HS6ST3: variants seen among roughly 807,000 people sequenced by gnomAD.
HS6ST3 encodes the protein heparan sulfate 6-O-sulfotransferase 3, also known as heparan-sulfate 6-O-sulfotransferase 3.
HS6ST3 carries 12 observed loss-of-function variants against 36.7 expected under a neutral mutation model. The ratio of observed to expected loss-of-function variants is 0.33; its 90% confidence interval spans 0.21 to 0.53. HS6ST3 has a LOEUF of 0.53. HS6ST3 is among the 20% of genes least tolerant of loss of function. The pLI is 0.95. For missense variants in HS6ST3, 584 were observed against 640.9 expected (o/e 0.91, Z 0.96); for synonymous variants, 240 against 257.5 (o/e 0.93, Z 0.65).
chr13:96,829,323 TC>T (rs1484231078), intron 1 of HS6ST3, among the ~76,000 whole-genome samples: 1 of 152,020 alleles, frequency 6.6e-6, no homozygotes, highest in Non-Finnish European at 1.5e-5. Context: ...TTTCAATTTT[TC>T]TTTTTTTTTT....
At chr13:96,242,587 C>T (rs924852204) in intron 1 of HS6ST3, among the ~76,000 whole-genome samples, 3 of 151,314 alleles carry the variant, frequency 2.0e-5, no homozygotes, top group South Asian at 2.1e-4. Context: ...TAGCCTATTT[C>T]GCTTAGCATA....
chr13:96,709,238 T>C (rs1875502102), intron 1 of HS6ST3, among the ~76,000 whole-genome samples: 1 of 152,234 alleles, frequency 6.6e-6, no homozygotes, highest in Non-Finnish European at 1.5e-5. Flanking sequence ...GTAAGTTACC[T>C]GAGGCCTCCT....
At chr13:96,145,371 T>C (rs1225495838) in intron 1 of HS6ST3, among the ~76,000 whole-genome samples, 9 of 150,916 alleles carry the variant, frequency 6.0e-5, no homozygotes, top group South Asian at 2.1e-4. Flanking sequence ...TGGTATCTCA[T>C]TGTGGTTTTG....
chr13:96,533,225 G>C (rs1031942413), intron 1 of HS6ST3, among the ~76,000 whole-genome samples: 2 of 152,122 alleles, frequency 1.3e-5, no homozygotes, highest in South Asian at 4.1e-4. Context: ...GATTCTTCAG[G>C]GGGGTAGAGA....
At chr13:96,818,121 AC>A (rs1878460562) in intron 1 of HS6ST3, among the ~76,000 whole-genome samples, 1 of 151,048 alleles carries the variant, frequency 6.6e-6, no homozygotes, top group Non-Finnish European at 1.5e-5. Context: ...AATATTTGCA[AC>A]TTAAGGTCAG....
At chr13:96,575,422 C>T (rs1034578952) in intron 1 of HS6ST3, among the ~76,000 whole-genome samples, 1 of 152,166 alleles carries the variant, frequency 6.6e-6, no homozygotes, top group African/African-American at 2.4e-5. Context: ...TTGAGTTAGG[C>T]TTTAGGAGGA....
At chr13:96,185,660 C>T (rs965022992) in intron 1 of HS6ST3, among the ~76,000 whole-genome samples, 2 of 152,310 alleles carry the variant, frequency 1.3e-5, no homozygotes, top group East Asian at 1.9e-4. Flanking sequence ...TGTCTAAATG[C>T]TTGGCTGATA....
At chr13:96,385,402 G>A (rs2055362660) in intron 1 of HS6ST3, among the ~76,000 whole-genome samples, 1 of 152,026 alleles carries the variant, frequency 6.6e-6, no homozygotes, top group African/African-American at 2.4e-5. Flanking sequence ...ATTGGTTATA[G>A]GAACATGTTA....
rs1054334972 is a variant in HS6ST3, at chr13:96,091,403, C to G, written c.541C>G (p.Gln181Glu). The change falls in exon 1 of 2, where the codon CAG becomes GAG. Residue 181 changes from glutamine (Q) to glutamate (E), a missense_variant. This residue lies in a region of HS6ST3 where 360 missense variants were observed against 411.3 expected (regional missense o/e 0.88). Coordinates refer to ENST00000376705, the MANE Select transcript of HS6ST3 (RefSeq NM_153456.4). ...LEQPCSCKAG[Q>E]KKCTCHRPGK... ...GCAGCCTTGTAGCTGCAAAGCGGGTCAGAAGAAGTGCACCTGCCACCGGCC... is the reference window on the plus strand; with the variant it reads ...GCAGCCTTGTAGCTGCAAAGCGGGTGAGAAGAAGTGCACCTGCCACCGGCC... 42 of 1,613,456 alleles carry G rather than the reference C, an allele frequency of 2.6e-5. No homozygotes were observed. The highest frequency in any genetic ancestry group is 3.5e-5 in the Non-Finnish European group (41 of 1,179,870).
chr13:96,607,148 A>C (rs2056441968), intron 1 of HS6ST3, among the ~76,000 whole-genome samples: 1 of 152,218 alleles, frequency 6.6e-6, no homozygotes. Context: ...ACATCAAAAC[A>C]TTGTGATAAA....
chr13:96,501,642 G>A (rs2056004787), intron 1 of HS6ST3, among the ~76,000 whole-genome samples: 2 of 152,224 alleles, frequency 1.3e-5, no homozygotes, highest in Non-Finnish European at 2.9e-5. Context: ...CAGAGCCTGG[G>A]TTCCTTTCTT....
intron 1 of HS6ST3, among the ~76,000 whole-genome samples, chr13:96,467,902 G>A (rs558029656): frequency 6.6e-6 from 1 of 152,162 alleles, no homozygotes; most frequent in Non-Finnish European, 1.5e-5. Flanking sequence ...TTCAACTTCA[G>A]TGTGAAATAA....
chr13:96,479,575 T>A (rs181810018), intron 1 of HS6ST3, among the ~76,000 whole-genome samples: 192 of 152,254 alleles, frequency 1.3e-3, no homozygotes, highest in African/African-American at 4.3e-3. Flanking sequence ...GAGGGAATGG[T>A]AACCTGATTT....
chr13:96,208,257 C>T (rs1239025459), intron 1 of HS6ST3, among the ~76,000 whole-genome samples: 1 of 151,920 alleles, frequency 6.6e-6, no homozygotes, highest in Non-Finnish European at 1.5e-5. Flanking sequence ...GATATTTTTC[C>T]ATTAAAAATT....
chr13:96,815,866 A>C (rs1478528966), intron 1 of HS6ST3, among the ~76,000 whole-genome samples: 2 of 152,218 alleles, frequency 1.3e-5, no homozygotes, highest in African/African-American at 4.8e-5. Context: ...TGCTGTGTTC[A>C]AAGCCACAAT....
Position 96,802,823 on chromosome 13 carries a change from G to A in HS6ST3, c.708-29667G>A, listed in dbSNP as rs555785236. ...TCTTATTTGTAGATTCACATTTTCA[G>A]ATACTTTTCCCATACTCTTTCCTAT... On this transcript the variant is annotated intron_variant, in intron 1 of 1. Coordinates refer to ENST00000376705, the MANE Select transcript of HS6ST3 (RefSeq NM_153456.4). Among the ~76,000 whole-genome samples, 114 of 152,230 alleles carry A rather than the reference G, an allele frequency of 7.5e-4. 1 individual carries two copies. The highest frequency in any genetic ancestry group is 2.6e-3 in the African/African-American group (109 of 41,546).
chr13:96,137,517 T>C (rs1008586931), intron 1 of HS6ST3, among the ~76,000 whole-genome samples: 1 of 149,684 alleles, frequency 6.7e-6, no homozygotes, highest in Non-Finnish European at 1.5e-5. Context: ...CACTGCAACC[T>C]CTGCCTCCCG....
At chr13:96,357,042 G>T (rs1035568604) in intron 1 of HS6ST3, among the ~76,000 whole-genome samples, 29 of 152,156 alleles carry the variant, frequency 1.9e-4, no homozygotes, top group African/African-American at 6.8e-4. Flanking sequence ...ACTCACCTCT[G>T]CTAGCTTCAG....
At chr13:96,739,219 TTG>T (rs3138578) in intron 1 of HS6ST3, among the ~76,000 whole-genome samples, 18,829 of 125,572 alleles carry the variant, frequency 0.15, 1,740 homozygotes, top group Middle Eastern at 0.18. Flanking sequence ...CGACATTTGC[TTG>T]TGTGTGTGTG....
Sources: gnomAD v4.1 joint callset for allele counts (sites outside exome capture counted in the v4.1 genomes callset) on GRCh38, gnomAD v4.1.1 for gene constraint, gnomAD v4.1.1 regional missense constraint, MANE v1.5 for transcripts, NCBI Gene and HGNC (gene_info 2026-07-23, HGNC 2026-07-21) for gene names.